The following FLRT1 variants were observed in gnomAD, a reference collection of about 807,000 sequenced individuals.
The protein encoded by FLRT1 is leucine-rich repeat transmembrane protein FLRT1.
FLRT1 carries 14 observed loss-of-function variants against 30.9 expected under a neutral mutation model. The observed-to-expected ratio is 0.45, with a 90% CI of 0.30 to 0.71. The LOEUF (loss-of-function observed/expected upper bound fraction) is 0.71. Among genes scored for constraint, FLRT1 ranks in the 30% least tolerant of loss-of-function variants. The pLI is 0.08. For missense variants in FLRT1, 737 were observed against 949.2 expected, an observed-to-expected ratio of 0.78 and a Z score of 2.94; for synonymous variants, 368 against 430.4, an observed-to-expected ratio of 0.85 and a Z score of 1.80.
At chr11:64,071,286 G>A (rs922790930) in intron 1 of FLRT1, among the ~76,000 whole-genome samples, 2 of 152,260 alleles carry the variant, frequency 1.3e-5, no homozygotes, top group Admixed American at 1.3e-4. Context: ...GCACAGGCCT[G>A]TGTGGGGTAC....
intron 1 of FLRT1, among the ~76,000 whole-genome samples, chr11:64,061,511 G>T (rs1053653314): frequency 4.9e-4 from 74 of 152,088 alleles, no homozygotes; most frequent in African/African-American, 1.7e-3. Flanking sequence ...GCTCCTCCCC[G>T]GCTCTGCACT....
chr11:64,039,734 A>G (rs1943450178), intron 1 of FLRT1, among the ~76,000 whole-genome samples: 1 of 152,172 alleles, frequency 6.6e-6, no homozygotes, highest in Non-Finnish European at 1.5e-5. Flanking sequence ...AGGCCCCCAG[A>G]GCACTGCCGC....
intron 1 of FLRT1, among the ~76,000 whole-genome samples, chr11:64,054,287 G>T (rs572227570): frequency 1.3e-5 from 2 of 152,324 alleles, no homozygotes; most frequent in South Asian, 4.1e-4. Flanking sequence ...GAGAGATTTA[G>T]GTTAGACAGA....
intron 1 of FLRT1, among the ~76,000 whole-genome samples, chr11:64,100,899 A>G (rs562337346): frequency 6.6e-6 from 1 of 152,150 alleles, no homozygotes. Context: ...CTGAGGACAT[A>G]CAAAGCTGGA....
In FLRT1 at chr11:64,066,920, C is replaced by T. The variant is rs1020668705; in HGVS notation, c.-1038+30761C>T. On this transcript the variant is annotated intron_variant, in intron 1 of 2. Transcript: ENST00000682287. Reference sequence around the variant, plus strand: ...GCTCAGGCTATAGCTCCGGAGCCCACGCCCCAGCCCAGGTGCTGCCCGCCC... The same window carrying T: ...GCTCAGGCTATAGCTCCGGAGCCCATGCCCCAGCCCAGGTGCTGCCCGCCC... 3.9e-5 allele frequency among the ~76,000 whole-genome samples: 6 copies of T among 152,338 alleles called. No individual in the cohort carries two copies. The South Asian group carries it at 8.3e-4, about 21-fold the overall frequency.
chr11:64,045,228 C>T (rs1389446176), intron 1 of FLRT1, among the ~76,000 whole-genome samples: 4 of 104,860 alleles, frequency 3.8e-5, no homozygotes, highest in Admixed American at 2.3e-4. Context: ...AGGAGTGGGG[C>T]GGGTGGTGGG....
chr11:64,049,623 G>T (rs1391397444), intron 1 of FLRT1, among the ~76,000 whole-genome samples: 1 of 152,222 alleles, frequency 6.6e-6, no homozygotes, highest in Non-Finnish European at 1.5e-5. Flanking sequence ...CATCCTGATG[G>T]TTCAGGGTTG....
chr11:64,071,259 C>T (rs942184404), intron 1 of FLRT1, among the ~76,000 whole-genome samples: 1 of 152,164 alleles, frequency 6.6e-6, no homozygotes, highest in African/African-American at 2.4e-5. Flanking sequence ...TCAGGGAACC[C>T]ACAGGGTTCC....
chr11:64,087,537 G>A (rs1359499619), intron 1 of FLRT1, among the ~76,000 whole-genome samples: 1 of 152,246 alleles, frequency 6.6e-6, no homozygotes, highest in Non-Finnish European at 1.5e-5. Flanking sequence ...TTGGAGGCAA[G>A]CACGCAGTCC....
chr11:64,115,105 G>C (rs747545811), intron 2 of FLRT1, among the ~76,000 whole-genome samples: 24 of 152,162 alleles, frequency 1.6e-4, no homozygotes, highest in Non-Finnish European at 2.5e-4. Context: ...AGGCCATCAT[G>C]TCCCATCATT....
Position 64,117,999 on chromosome 11 carries a change from C to T in FLRT1, c.1732C>T (p.His578Tyr). 6.2e-7 allele frequency: 1 copy of T among 1,613,786 alleles called. No individual in the cohort carries two copies. Among genetic ancestry groups the T allele is most frequent in the Non-Finnish European group, 8.5e-7 (1 of 1,179,996 alleles). Residue 578 changes from histidine (H) to tyrosine (Y), a missense_variant, in exon 3 of 3, where the codon CAC (histidine) becomes TAC (tyrosine). Transcript: ENST00000682287. ...CCTGGGGGCCATCTGCTGGTACGTG[C>T]ACCAGGCTGGCGAGCTGCTGACCCG... Reference protein sequence around the residue: ...LVLGAICWYVHQAGELLTRER... With the variant: ...LVLGAICWYVYQAGELLTRER...
rs961345578 is a variant in FLRT1 at position 64,045,249 on chromosome 11, C to T, written c.-1038+9090C>T. Among the ~76,000 whole-genome samples the T allele has an allele frequency of 1.8e-4, 27 of 152,274 alleles. No individual in the cohort carries two copies. The South Asian group carries it at 4.8e-3, about 27-fold the overall frequency. Reference sequence around the variant, plus strand: ...GGGGCGGGTGGTGGGCGAAGGGGCCCGGGAGGGTGCTGGCGGCCTGCCGTC... The same window carrying T: ...GGGGCGGGTGGTGGGCGAAGGGGCCTGGGAGGGTGCTGGCGGCCTGCCGTC... On this transcript the variant is annotated intron_variant, in intron 1 of 2. Coordinates refer to ENST00000682287, the MANE Select transcript of FLRT1 (RefSeq NM_013280.5).
chr11:64,041,287 G>A (rs934067008), intron 1 of FLRT1, among the ~76,000 whole-genome samples: 2 of 148,918 alleles, frequency 1.3e-5, no homozygotes, highest in Middle Eastern at 3.2e-3. Flanking sequence ...GTGAGGAGCC[G>A]GCATTTATCT....
intron 1 of FLRT1, among the ~76,000 whole-genome samples, chr11:64,065,520 T>G (rs1382955968): frequency 6.6e-6 from 1 of 152,184 alleles, no homozygotes; most frequent in African/African-American, 2.4e-5. Flanking sequence ...CCAGGCGCGG[T>G]GGCTCATGCC....
chr11:64,055,480 C>T (rs1052696997), intron 1 of FLRT1, among the ~76,000 whole-genome samples: 1 of 152,112 alleles, frequency 6.6e-6, no homozygotes, highest in African/African-American at 2.4e-5. Flanking sequence ...CTGCTTGTCC[C>T]CATCCTAAGT....
intron 1 of FLRT1, among the ~76,000 whole-genome samples, chr11:64,086,657 G>A (rs1230676778): frequency 6.6e-6 from 1 of 152,166 alleles, no homozygotes; most frequent in African/African-American, 2.4e-5. Context: ...TCCTATTCAT[G>A]CTCCAGGGAC....
chr11:64,072,090 G>A (rs942707521), intron 1 of FLRT1, among the ~76,000 whole-genome samples: 13 of 152,212 alleles, frequency 8.5e-5, no homozygotes, highest in African/African-American at 1.2e-4. Context: ...GAATCGAATC[G>A]ACTGCTGAAC....
rs1944325499 is a variant in FLRT1, at chr11:64,082,679, G to A, written c.-1037-20515G>A. 6.6e-6 allele frequency among the ~76,000 whole-genome samples: 1 copy of A among 152,144 alleles called. No homozygotes were observed. Among genetic ancestry groups the A allele is most frequent in the Non-Finnish European group, 1.5e-5 (1 of 68,002 alleles). On this transcript the variant is annotated intron_variant, in intron 1 of 2. Transcript: ENST00000682287. This position sits in a 1 kb window ranked among gnomAD's most constrained non-coding sequence, Gnocchi z 4.5. ...GCCTGGAGCCCCAGACCCCTGTCCT[G>A]CTCCACCCTGCAGGCCCCTGGGTCT...
At chr11:64,088,380 G>A (rs553355519) in intron 1 of FLRT1, among the ~76,000 whole-genome samples, 261 of 152,288 alleles carry the variant, frequency 1.7e-3, no homozygotes, top group African/African-American at 5.9e-3. Context: ...GACTGTCTGC[G>A]GGCCTCGGGG....
Sources: allele counts gnomAD v4.1 joint callset (sites outside exome capture counted in the v4.1 genomes callset), GRCh38; gene constraint gnomAD v4.1.1; non-coding constraint Gnocchi (gnomAD v3.1); transcripts MANE v1.5; gene names NCBI Gene and HGNC (gene_info 2026-07-23, HGNC 2026-07-21).